The following FAM240A variants were observed in gnomAD, a reference collection of about 807,000 sequenced individuals.
FAM240A encodes the protein family with sequence similarity 240 member A.
A neutral mutation model predicts 7.3 loss-of-function variants in FAM240A; 8 were observed. That is an observed-to-expected ratio of 1.09 (90% confidence interval 0.64 to 1.97). The LOEUF (loss-of-function observed/expected upper bound fraction) is 1.97. Among genes scored for constraint, FAM240A ranks in the 30% most tolerant of loss-of-function variants. FAM240A has a pLI of 0.00. For missense variants in FAM240A, 90 were observed against 102.2 expected (o/e 0.88, Z 0.52); for synonymous variants, 32 against 35.9 (o/e 0.89, Z 0.38).
At chr3:46,617,426 A>G (rs1313601825) in intron 2 of FAM240A, 98 bp downstream of exon 2, 6 of 1,075,998 alleles carry the variant, frequency 5.6e-6, no homozygotes, top group Non-Finnish European at 7.6e-6. Flanking sequence ...ATTGAGCAGA[A>G]GGTACTAAGA....
chr3:46,618,715 C>G (rs1004977077), intron 2 of FAM240A, among the ~76,000 whole-genome samples: 1 of 151,850 alleles, frequency 6.6e-6, no homozygotes, highest in South Asian at 2.1e-4. Context: ...TGGTGCATGC[C>G]TGTAATCCCA....
chr3:46,624,614 T>C (rs532888579), intron 2 of FAM240A, among the ~76,000 whole-genome samples: 1 of 152,168 alleles, frequency 6.6e-6, no homozygotes, highest in African/African-American at 2.4e-5. Flanking sequence ...TTAAAAAGTA[T>C]TAATATATAA....
At chr3:46,620,242 C>T (rs1291047761) in intron 2 of FAM240A, among the ~76,000 whole-genome samples, 2 of 151,352 alleles carry the variant, frequency 1.3e-5, no homozygotes, top group Non-Finnish European at 2.9e-5. Context: ...ACCCTTCCTG[C>T]CCTGGGTCCT....
intron 2 of FAM240A, among the ~76,000 whole-genome samples, chr3:46,620,226 C>T (rs1202087216): frequency 1.3e-5 from 2 of 151,446 alleles, no homozygotes; most frequent in Non-Finnish European, 2.9e-5. Context: ...CCTATTTCTT[C>T]CCCACACCCT....
chr3:46,623,611 T>C (rs979285546), intron 2 of FAM240A, among the ~76,000 whole-genome samples: 4 of 152,340 alleles, frequency 2.6e-5, no homozygotes, highest in African/African-American at 9.6e-5. Flanking sequence ...TCTTGATGAA[T>C]TGACCCTCTT....
chr3:46,613,832 T>G (rs1653912294), intron 1 of FAM240A, among the ~76,000 whole-genome samples: 1 of 152,202 alleles, frequency 6.6e-6, no homozygotes, highest in African/African-American at 2.4e-5. Context: ...CTCCCTGTTA[T>G]CTGAAGTCCC....
Position 46,612,552 on chromosome 3 carries a change from C to T in FAM240A, c.-132C>T, listed in dbSNP as rs1057129473. 8 of 720,350 alleles carry T rather than the reference C, an allele frequency of 1.1e-5. No homozygotes were observed. The highest frequency in any genetic ancestry group is 2.4e-4 in the Middle Eastern group (1 of 4,218). 44.6% of individuals were successfully genotyped at this position (720,350 alleles called of 1,614,324 possible). On this transcript the variant is annotated 5_prime_UTR_variant, in exon 1 of 3. Coordinates refer to ENST00000640551, the MANE Select transcript of FAM240A (RefSeq NM_001195442.2). ...ATTGCTGGCACAGCGTTAAGGCTTG[C>T]GAGGGACAAATGTTCCTTTGTTCTT...
At chr3:46,612,823 T>C (rs1002392935) in intron 1 of FAM240A, 125 bp downstream of exon 1, 10 of 767,760 alleles carry the variant, frequency 1.3e-5, no homozygotes, top group Non-Finnish European at 2.2e-5. Context: ...AGTACAAGAT[T>C]AGATGGCGTT....
rs903102837 is a variant in FAM240A at position 46,618,563 on chromosome 3, G to A, written c.161+1235G>A. ...ACATTAAAAATATATACATGCGGCC[G>A]GGTGCGGTGACTCACGCCTGTAATC... is the stretch of plus-strand genomic sequence containing the variant. On this transcript the variant is annotated intron_variant, in intron 2 of 2. Coordinates refer to ENST00000640551, the MANE Select transcript of FAM240A (RefSeq NM_001195442.2). 3.2e-4 allele frequency among the ~76,000 whole-genome samples: 49 copies of A among 152,184 alleles called. 2 individuals carry two copies. The highest frequency in any genetic ancestry group is 1.5e-3 in the South Asian group (7 of 4,820).
intron 1 of FAM240A, among the ~76,000 whole-genome samples, chr3:46,614,173 C>T (rs1697601964): frequency 6.6e-6 from 1 of 152,180 alleles, no homozygotes; most frequent in Non-Finnish European, 1.5e-5. Context: ...ATCCTCCAGC[C>T]TCAGCCTCCC....
intron 2 of FAM240A, 44 bp downstream of exon 2, chr3:46,617,372 A>T (rs1319872658): frequency 4.8e-6 from 7 of 1,471,706 alleles, no homozygotes; most frequent in Non-Finnish European, 6.3e-6. Flanking sequence ...ATTAATTTTT[A>T]AAATACATCG....
chr3:46,613,491 C>CTAAATAAATAAATAAATAAA (rs148622433), intron 1 of FAM240A, among the ~76,000 whole-genome samples: 2,433 of 137,854 alleles, frequency 0.018, 32 homozygotes, highest in Non-Finnish European at 0.024. Context: ...GAAACTCCTT[C>CTAAATAAATAAATAAATAAA]TAAATAAATA....
At chr3:46,614,080 A>T (rs1697600673) in intron 1 of FAM240A, among the ~76,000 whole-genome samples, 1 of 151,978 alleles carries the variant, frequency 6.6e-6, no homozygotes, top group Non-Finnish European at 1.5e-5. Flanking sequence ...CACTACGCCC[A>T]GCTAATTTTT....
chr3:46,616,690 TACACAC>T (rs3087116), intron 1 of FAM240A, among the ~76,000 whole-genome samples: 1,862 of 143,604 alleles, frequency 0.013, 20 homozygotes, highest in African/African-American at 0.026. Context: ...AGTATTCCAT[TACACAC>T]ACACACACAC....
intron 2 of FAM240A, 44 bp downstream of exon 2, chr3:46,617,372 A>G: frequency 2.0e-6 from 3 of 1,471,708 alleles, no homozygotes; most frequent in South Asian, 1.3e-5. Flanking sequence ...ATTAATTTTT[A>G]AAATACATCG....
chr3:46,616,113 G>A (rs1168255753), intron 1 of FAM240A, among the ~76,000 whole-genome samples: 1 of 152,240 alleles, frequency 6.6e-6, no homozygotes, highest in Non-Finnish European at 1.5e-5. Context: ...CTTCTGTGAG[G>A]AGGAAGGAAG....
intron 2 of FAM240A, among the ~76,000 whole-genome samples, chr3:46,621,572 C>A (rs1422754533): frequency 6.6e-6 from 1 of 152,050 alleles, no homozygotes; most frequent in Non-Finnish European, 1.5e-5. Context: ...CCAGGCTGGG[C>A]AATATAGCAA....
At chr3:46,623,332 C>T (rs910502123) in intron 2 of FAM240A, among the ~76,000 whole-genome samples, 2 of 152,000 alleles carry the variant, frequency 1.3e-5, no homozygotes, top group Non-Finnish European at 1.5e-5. Flanking sequence ...TTTCTATCTT[C>T]GTAAATATTC....
rs181082113 is a variant in FAM240A, at chr3:46,626,543, C to G, written c.*1325C>G. 8.5e-5 allele frequency: 13 copies of G among 152,382 alleles called. No individual in the cohort carries two copies. Among genetic ancestry groups the G allele is most frequent in the Non-Finnish European group, 1.5e-4 (10 of 68,060 alleles). The allele number at this position is 152,382 out of a possible 1,614,324, so 9.4% of individuals were successfully genotyped here. A position where few individuals can be genotyped will look rare whatever the true frequency, so the allele number is the denominator to read the frequency against. ...CCCAATAAACCCTATGTCTCATTCA[C>G]TGTCTCTGAGTGTCTTCTTTGTCTT... On this transcript the variant is annotated 3_prime_UTR_variant, in exon 3 of 3. Transcript: ENST00000640551.
Sources: gnomAD v4.1 joint callset for allele counts (sites outside exome capture counted in the v4.1 genomes callset) on GRCh38, gnomAD v4.1.1 for gene constraint, MANE v1.5 for transcripts, NCBI Gene and HGNC (gene_info 2026-07-23, HGNC 2026-07-21) for gene names.